Variants in PDE10A observed in about 807,000 individuals in gnomAD.
PDE10A encodes cAMP and cAMP-inhibited cGMP 3',5'-cyclic phosphodiesterase 10A.
In PDE10A, 39 loss-of-function variants were observed where a neutral mutation model predicts 97.7. The ratio of observed to expected loss-of-function variants is 0.40; its 90% CI spans 0.31 to 0.52. The LOEUF is 0.52. Among genes scored for constraint, PDE10A ranks in the 20% least tolerant of loss-of-function variants. PDE10A has a pLI of 0.56. For synonymous variants in PDE10A, 371 were observed against 376.8 expected (o/e 0.98, Z 0.18); for missense variants, 731 against 1,047.8 (o/e 0.70, Z 4.17).
intron 16 of PDE10A, 146 bp downstream of exon 16, chr6:165,392,500 G>T: frequency 1.6e-6 from 1 of 626,678 alleles, no homozygotes; most frequent in Admixed American, 2.7e-5. Context: ...GGGTACAAGA[G>T]TCTAAAAATG....
chr6:165,858,161 A>T (rs1223795456), intron 1 of PDE10A, among the ~76,000 whole-genome samples: 6 of 152,182 alleles, frequency 3.9e-5, no homozygotes, highest in African/African-American at 1.4e-4. Context: ...TTTGTATTTC[A>T]TATTTTAAAT....
chr6:165,844,190 G>A (rs1018569322), intron 1 of PDE10A, among the ~76,000 whole-genome samples: 3 of 152,290 alleles, frequency 2.0e-5, no homozygotes, highest in Admixed American at 6.5e-5. Flanking sequence ...CCTGGGGCTG[G>A]AGCACTGCAG....
chr6:165,514,343 T>A (rs1174997319), intron 2 of PDE10A, among the ~76,000 whole-genome samples: 1 of 152,206 alleles, frequency 6.6e-6, no homozygotes, highest in Non-Finnish European at 1.5e-5. Context: ...AAACAGTTTG[T>A]GATGGATTGG....
intron 1 of PDE10A, among the ~76,000 whole-genome samples, chr6:165,546,799 T>C (rs113710752): frequency 2.0e-4 from 30 of 152,210 alleles, no homozygotes; most frequent in African/African-American, 7.0e-4. Context: ...AAGTTGGAGA[T>C]ATCAGTGAAC....
intron 3 of PDE10A, among the ~76,000 whole-genome samples, chr6:165,465,660 G>T (rs527505732): frequency 1.3e-5 from 2 of 152,172 alleles, no homozygotes. Flanking sequence ...GTCACAGAGC[G>T]GCAGGAGAGA....
At chr6:165,958,764 A>AGAAAGAAAGAAAGAAG (rs1784269447) in intron 1 of PDE10A, among the ~76,000 whole-genome samples, 2 of 150,460 alleles carry the variant, frequency 1.3e-5, no homozygotes, top group African/African-American at 2.5e-5. Flanking sequence ...AAAGAAAGAA[A>AGAAAGAAAGAAAGAAG]GAAGAAAGCA....
chr6:165,432,021 C>A (rs1789611270), intron 7 of PDE10A, among the ~76,000 whole-genome samples: 1 of 152,138 alleles, frequency 6.6e-6, no homozygotes, highest in South Asian at 2.1e-4. Flanking sequence ...AAATTACTAG[C>A]TTTTCTACTT....
At chr6:165,859,298 A>G (rs1780836690) in intron 1 of PDE10A, among the ~76,000 whole-genome samples, 1 of 152,176 alleles carries the variant, frequency 6.6e-6, no homozygotes, top group African/African-American at 2.4e-5. Flanking sequence ...TTTTCAAAGA[A>G]AAGTTTTGGT....
intron 2 of PDE10A, among the ~76,000 whole-genome samples, chr6:165,515,743 C>T (rs149253534): frequency 0.061 from 9,279 of 151,970 alleles, 897 homozygotes; most frequent in African/African-American, 0.21. Context: ...AGGCTGCTCT[C>T]AAACTCCTGA....
intron 1 of PDE10A, among the ~76,000 whole-genome samples, chr6:165,581,627 A>G (rs1785622293): frequency 6.6e-6 from 1 of 152,252 alleles, no homozygotes; most frequent in African/African-American, 2.4e-5. Context: ...TCACTAAGGC[A>G]GATGCATAAG....
chr6:165,977,295 C>A (rs1210446575), intron 1 of PDE10A, among the ~76,000 whole-genome samples: 1 of 152,180 alleles, frequency 6.6e-6, no homozygotes, highest in East Asian at 1.9e-4. Context: ...TACGGACTTT[C>A]CTAGGCAGAG....
chr6:165,873,343 C>T (rs1015721863), intron 1 of PDE10A, among the ~76,000 whole-genome samples: 8 of 152,134 alleles, frequency 5.3e-5, no homozygotes, highest in Non-Finnish European at 8.8e-5. Flanking sequence ...AACAAAACCC[C>T]GACAGCAATG....
At chr6:165,644,986 G>A (rs937727764) in intron 1 of PDE10A, among the ~76,000 whole-genome samples, 1 of 152,204 alleles carries the variant, frequency 6.6e-6, no homozygotes, top group African/African-American at 2.4e-5. Context: ...GAACATAAAC[G>A]TCACCCTAAT....
intron 3 of PDE10A, among the ~76,000 whole-genome samples, chr6:165,459,489 TTAGATAGATAGATAGATAGATAGA>T (rs147229263): frequency 6.8e-6 from 1 of 146,832 alleles, no homozygotes; most frequent in African/African-American, 2.5e-5. Context: ...TTCTAATGCA[TTAGATAGATAGATAGATAGATAGA>T]TAGATAGATA....
chr6:165,781,087 G>A (rs1449906281), intron 1 of PDE10A: 2 of 152,206 alleles, frequency 1.3e-5, no homozygotes, highest in African/African-American at 2.4e-5. Context: ...GTTCTCCAGG[G>A]AATGGAATAG....
chr6:165,605,540 C>T (rs910984548), intron 1 of PDE10A, among the ~76,000 whole-genome samples: 2 of 152,190 alleles, frequency 1.3e-5, no homozygotes, highest in African/African-American at 2.4e-5. Context: ...TGTTTAAGAA[C>T]TCAAGTCAAA....
intron 1 of PDE10A, among the ~76,000 whole-genome samples, chr6:165,906,580 A>T (rs2128485495): frequency 6.6e-6 from 1 of 152,346 alleles, no homozygotes; most frequent in South Asian, 2.1e-4. Flanking sequence ...TCAGATTAGG[A>T]CAAAGCAAGG....
At chr6:165,407,920 T>C (rs1169310890) in intron 13 of PDE10A, among the ~76,000 whole-genome samples, 1 of 152,184 alleles carries the variant, frequency 6.6e-6, no homozygotes, top group Non-Finnish European at 1.5e-5. Flanking sequence ...ATGCTGCCAA[T>C]CAGAGACGTT....
intron 1 of PDE10A, among the ~76,000 whole-genome samples, chr6:165,776,963 C>T (rs943394179): frequency 5.9e-5 from 9 of 152,316 alleles, no homozygotes; most frequent in African/African-American, 1.9e-4. Context: ...AACAAAATTA[C>T]ACATGCATGT....
Sources: allele counts gnomAD v4.1 joint callset (sites outside exome capture counted in the v4.1 genomes callset), GRCh38; gene constraint gnomAD v4.1.1; transcripts MANE v1.5; gene names NCBI Gene and HGNC (gene_info 2026-07-23, HGNC 2026-07-21).